DDX19A: variants seen among roughly 807,000 people sequenced by gnomAD.
DDX19A encodes ATP-dependent RNA helicase DDX19A.
A neutral mutation model predicts 60.6 loss-of-function variants in DDX19A; 12 were observed. The observed-to-expected ratio is 0.20, with a 90% CI of 0.13 to 0.32. DDX19A has a LOEUF of 0.32. Among genes scored for constraint, DDX19A ranks in the 10% least tolerant of loss-of-function variants. The pLI is 1.00. For missense variants in DDX19A, 337 were observed against 600.6 expected (o/e 0.56, Z 4.59); for synonymous variants, 206 against 218.2 (o/e 0.94, Z 0.49).
chr16:70,360,815 A>G, intron 4 of DDX19A: 1 of 153,040 alleles, frequency 6.5e-6, no homozygotes, highest in Non-Finnish European at 1.5e-5. Flanking sequence ...GCAGTGGCTC[A>G]GTCACAGATC....
At chr16:70,357,366 GTTTTTTTTTTTTTTTTTTTT>G (rs71151183) in intron 4 of DDX19A, among the ~76,000 whole-genome samples, 22 of 44,580 alleles carry the variant, frequency 4.9e-4, no homozygotes, top group African/African-American at 1.2e-3. Flanking sequence ...TTTTTGGTTT[GTTTTTTTTTTTTTTTTTTTT>G]TTTTTTTTTT....
chr16:70,365,735 G>C, intron 7 of DDX19A: 1 of 357,228 alleles, frequency 2.8e-6, no homozygotes, highest in Non-Finnish European at 5.3e-6. Flanking sequence ...AGCCATGACT[G>C]TGTCACCGCA....
intron 4 of DDX19A, among the ~76,000 whole-genome samples, chr16:70,360,556 G>A (rs968444040): frequency 6.6e-6 from 1 of 151,760 alleles, no homozygotes; most frequent in Non-Finnish European, 1.5e-5. Flanking sequence ...TGCCCAGGCC[G>A]GTCTTGAACG....
intron 1 of DDX19A, 182 bp downstream of exon 1, chr16:70,347,230 C>T (rs1391086293): frequency 1.6e-6 from 1 of 625,516 alleles, no homozygotes; most frequent in Admixed American, 2.7e-5. Flanking sequence ...AGCTTTTTAT[C>T]TCCATCTGGG....
intron 4 of DDX19A, among the ~76,000 whole-genome samples, chr16:70,357,366 G>GTTTTTTTTTGTTTTT (rs1964237650): frequency 2.2e-5 from 1 of 44,596 alleles, no homozygotes; most frequent in Non-Finnish European, 4.1e-5. Context: ...TTTTTGGTTT[G>GTTTTTTTTTGTTTTT]TTTTTTTTTT....
rs1455166225 is a variant in DDX19A at position 70,372,212 on chromosome 16, T to A, written c.*226T>A. The A allele has an allele frequency of 1.1e-5, 7 of 639,784 alleles. No individual in the cohort carries two copies. The highest frequency in any genetic ancestry group is 1.6e-5 in the Non-Finnish European group (6 of 369,278). 39.6% of individuals were successfully genotyped at this position (639,784 alleles called of 1,614,324 possible). ...TGGAAAATTGGGTCCTTTCCCCACT[T>A]TTTTAAAGCCACATTCCCCCATCTT... On this transcript the variant is annotated 3_prime_UTR_variant, in exon 12 of 12. Coordinates refer to ENST00000302243, the MANE Select transcript of DDX19A (RefSeq NM_018332.5).
chr16:70,366,431 C>T, intron 8 of DDX19A, 169 bp downstream of exon 8: 1 of 1,265,846 alleles, frequency 7.9e-7, no homozygotes, highest in South Asian at 1.5e-5. Context: ...TCCCTCCCAA[C>T]CTGGGTTGAG....
At chr16:70,367,977 AC>A (rs1964568861) in intron 9 of DDX19A, among the ~76,000 whole-genome samples, 1 of 152,074 alleles carries the variant, frequency 6.6e-6, no homozygotes, top group South Asian at 2.1e-4. Context: ...GGAGTTTGAG[AC>A]CAGCCTGGGC....
rs1215290348 is a variant in DDX19A at position 70,364,651 on chromosome 16, G to A, written c.489+6G>A. The A allele has an allele frequency of 2.5e-6, 4 of 1,611,666 alleles. No individual in the cohort carries two copies. The highest frequency in any genetic ancestry group is 1.3e-5 in the African/African-American group (1 of 74,892). On this transcript the variant is annotated splice_donor_region_variant and intron_variant, in intron 6 of 11. Transcript: ENST00000302243. ...CATCAGACAGATACCCCCAGGTGAGGGCTTGCGGGGCTGGGTGTCCTAGGT... is the reference window on the plus strand; with the variant it reads ...CATCAGACAGATACCCCCAGGTGAGAGCTTGCGGGGCTGGGTGTCCTAGGT...
At chr16:70,351,731 T>C (rs537258656) in intron 2 of DDX19A, among the ~76,000 whole-genome samples, 244 of 151,882 alleles carry the variant, frequency 1.6e-3, no homozygotes, top group Non-Finnish European at 2.7e-3. Flanking sequence ...GGTTTCACCG[T>C]GTTAGCCAGG....
chr16:70,357,366 G>GTTTTTTTTTTTTTTTTTTTTTTTTT lies in DDX19A; in HGVS notation c.293+1131_293+1155dup, dbSNP rs71151183. ...AATCTGTCAAATCTGTTTTTGGTTT[G>GTTTTTTTTTTTTTTTTTTTTTTTTT]TTTTTTTTTTTTTTTTTTTTTTTTT... On this transcript the variant is annotated intron_variant, in intron 4 of 11. Coordinates refer to ENST00000302243, the MANE Select transcript of DDX19A (RefSeq NM_018332.5). Among the ~76,000 whole-genome samples the GTTTTTTTTTTTTTTTTTTTTTTTTT allele has an allele frequency of 2.5e-4, 11 of 44,580 alleles. 4 individuals are homozygous for GTTTTTTTTTTTTTTTTTTTTTTTTT. The East Asian group carries it at 2.9e-3, about 12-fold the overall frequency. The allele number at this position is 44,580 out of a possible 152,430, so 29.2% of individuals were successfully genotyped here.
rs751659493 is a variant in DDX19A at position 70,346,904 on chromosome 16, C to G, written c.-88C>G. 2.1e-5 allele frequency: 28 copies of G among 1,344,570 alleles called. No homozygotes were observed. The highest frequency in any genetic ancestry group is 1.9e-4 in the South Asian group (15 of 79,788). 83.3% of individuals were successfully genotyped at this position (1,344,570 alleles called of 1,614,324 possible). ...CGCCGCTTCCGGTCCGCGTGAGGTGCATTCTCGCGCCGGTGGCGAGGTTAG... is the reference window on the plus strand; with the variant it reads ...CGCCGCTTCCGGTCCGCGTGAGGTGGATTCTCGCGCCGGTGGCGAGGTTAG... On this transcript the variant is annotated 5_prime_UTR_variant, in exon 1 of 12. Coordinates refer to ENST00000302243, the MANE Select transcript of DDX19A (RefSeq NM_018332.5).
intron 9 of DDX19A, among the ~76,000 whole-genome samples, chr16:70,369,062 T>C (rs1381966340): frequency 6.6e-6 from 1 of 152,086 alleles, no homozygotes; most frequent in Non-Finnish European, 1.5e-5. Flanking sequence ...AGACAGGGTT[T>C]CTCCATATTA....
chr16:70,354,091 C>G (rs1162353867), intron 2 of DDX19A, among the ~76,000 whole-genome samples: 2 of 151,432 alleles, frequency 1.3e-5, no homozygotes, highest in Non-Finnish European at 2.9e-5. Context: ...CAATTTTTGT[C>G]AGTATTTTCA....
At chr16:70,348,595 C>G (rs912255826) in intron 1 of DDX19A, among the ~76,000 whole-genome samples, 3 of 148,056 alleles carry the variant, frequency 2.0e-5, no homozygotes, top group Admixed American at 6.8e-5. Flanking sequence ...CCACTGCACT[C>G]CAGCCTGGGC....
chr16:70,363,145 C>T (rs1964418122), intron 5 of DDX19A, among the ~76,000 whole-genome samples: 1 of 151,806 alleles, frequency 6.6e-6, no homozygotes, highest in African/African-American at 2.4e-5. Flanking sequence ...TGTTACTGCA[C>T]CTGGCATATT....
rs1475694022 is a variant in DDX19A at position 70,370,327 on chromosome 16, T to A, written c.1125T>A (p.Ile375=). 6.2e-7 allele frequency: 1 copy of A among 1,613,910 alleles called. No individual in the cohort carries two copies. The highest frequency in any genetic ancestry group is 8.5e-7 in the Non-Finnish European group (1 of 1,179,908). ...EMMVEQRAAV[I]ERFREGKEKV... is the part of the protein sequence containing the mutation. ...TGGTGGAGCAGAGGGCTGCGGTGAT[T>A]GAGCGCTTCCGAGAGGGCAAAGAGA... The change falls in exon 10 of 12, where the codon ATT becomes ATA. Residue 375 remains isoleucine (I), a synonymous_variant. Transcript: ENST00000302243.
rs1004771105 is a variant in DDX19A at position 70,350,595 on chromosome 16, A to G, written c.96A>G (p.Ala32=). ...AGATCAAGGAAGAGAAAGTCAAAGCAGATACCAATGGTGAGTCACTAGTAA... is the reference window on the plus strand; with the variant it reads ...AGATCAAGGAAGAGAAAGTCAAAGCGGATACCAATGGTGAGTCACTAGTAA... The part of the protein sequence containing the change: ...NLQIKEEKVK[A]DTNGIIKTST... Residue 32 remains alanine (A), a synonymous_variant, in exon 2 of 12, where the codon GCA becomes GCG. Transcript: ENST00000302243. 6.2e-7 allele frequency: 1 copy of G among 1,612,112 alleles called. No homozygotes were observed. The highest frequency in any genetic ancestry group is 8.5e-7 in the Non-Finnish European group (1 of 1,179,108).
At chr16:70,353,129 C>CTTTCTTT (rs1555552036) in intron 2 of DDX19A, among the ~76,000 whole-genome samples, 77 of 144,626 alleles carry the variant, frequency 5.3e-4, no homozygotes, top group African/African-American at 1.9e-3. Context: ...TTCTTTCTTT[C>CTTTCTTT]TTTTTTTTTT....
Sources: gnomAD v4.1 joint callset for allele counts (sites outside exome capture counted in the v4.1 genomes callset) on GRCh38, gnomAD v4.1.1 for gene constraint, MANE v1.5 for transcripts, NCBI Gene and HGNC (gene_info 2026-07-23, HGNC 2026-07-21) for gene names.